CAST: variants seen among roughly 807,000 people sequenced by gnomAD.
CAST encodes calpastatin, also known as MIR583 host.
CAST carries 76 observed loss-of-function variants against 119.6 expected under a neutral mutation model. That is an observed-to-expected ratio of 0.64 (90% CI 0.53 to 0.77). The LOEUF is 0.77. CAST is among the 30% of genes least tolerant of loss of function. The pLI is 0.00. For missense variants in CAST, 953 were observed against 946.5 expected (o/e 1.01, Z -0.09); for synonymous variants, 319 against 331.6 (o/e 0.96, Z 0.41).
intron 30 of CAST, 111 bp from the exon 31 acceptor site, chr5:96,771,533 C>T: frequency 4.3e-6 from 3 of 704,670 alleles, no homozygotes; most frequent in South Asian, 4.0e-5. Context: ...AAAGGACCAT[C>T]TTATTTTTCC....
the CAST span, among the ~76,000 whole-genome samples, chr5:96,014,518 T>C: frequency 6.6e-6 from 1 of 152,198 alleles, no homozygotes; most frequent in Non-Finnish European, 1.5e-5. Flanking sequence ...TAGACTTTTA[T>C]ATGACTGGCA....
chr5:96,209,193 T>C, the CAST span, among the ~76,000 whole-genome samples: 1 of 152,062 alleles, frequency 6.6e-6, no homozygotes, highest in Admixed American at 6.6e-5. Context: ...TTCCATCCGT[T>C]TACTTTGAGC....
At chr5:96,144,762 G>T in the CAST span, among the ~76,000 whole-genome samples, 2 of 151,746 alleles carry the variant, frequency 1.3e-5, no homozygotes, top group Admixed American at 1.3e-4. Context: ...CTGGGTTCAA[G>T]TGAATCCAGG....
chr5:96,662,938 G>C, intron 1 of CAST: 1 of 589,882 alleles, frequency 1.7e-6, no homozygotes, highest in Non-Finnish European at 3.0e-6. Flanking sequence ...GAGCCAAATT[G>C]GGCGGGCGAG....
intron 2 of CAST, among the ~76,000 whole-genome samples, chr5:96,681,415 T>A (rs1183453115): frequency 1.3e-5 from 2 of 152,216 alleles, no homozygotes; most frequent in Admixed American, 1.3e-4. Context: ...AAGATTTTTT[T>A]CTTTTGTTCT....
chr5:96,518,151 G>T, the CAST span, among the ~76,000 whole-genome samples: 3 of 152,046 alleles, frequency 2.0e-5, no homozygotes, highest in African/African-American at 7.3e-5. Flanking sequence ...ATCTAAATTT[G>T]GGAGAAAAAA....
the CAST span, among the ~76,000 whole-genome samples, chr5:96,418,495 G>C: frequency 6.6e-6 from 1 of 152,174 alleles, no homozygotes. Flanking sequence ...TACCTGCACT[G>C]TTAAGATTTT....
chr5:96,209,731 G>T, the CAST span, among the ~76,000 whole-genome samples: 1 of 127,150 alleles, frequency 7.9e-6, no homozygotes, highest in African/African-American at 3.0e-5. Context: ...TCCCTTTGTA[G>T]GTGACCTTCC....
chr5:95,988,673 G>T, the CAST span, among the ~76,000 whole-genome samples: 1 of 152,094 alleles, frequency 6.6e-6, no homozygotes, highest in East Asian at 1.9e-4. Context: ...TGTTGGATGG[G>T]TTTCTTTACC....
chr5:96,524,695 A>T (rs1433133042), upstream of CAST, among the ~76,000 whole-genome samples: 3 of 152,222 alleles, frequency 2.0e-5, no homozygotes, highest in Non-Finnish European at 4.4e-5. Flanking sequence ...TTCTGGATCT[A>T]CCAGTCAGTT....
At chr5:96,563,227 A>G (rs1347868831) in intron 1 of CAST, among the ~76,000 whole-genome samples, 1 of 152,172 alleles carries the variant, frequency 6.6e-6, no homozygotes, top group Non-Finnish European at 1.5e-5. Flanking sequence ...AGGTTTAACT[A>G]TTTCTTTGGG....
the CAST span, among the ~76,000 whole-genome samples, chr5:96,480,828 A>G: frequency 6.6e-6 from 1 of 152,182 alleles, no homozygotes; most frequent in African/African-American, 2.4e-5. Context: ...GTTTCAGTGA[A>G]ATGGAACAGG....
chr5:96,559,651 C>A (rs988401622), intron 1 of CAST, among the ~76,000 whole-genome samples: 11 of 151,970 alleles, frequency 7.2e-5, no homozygotes, highest in Admixed American at 3.3e-4. Flanking sequence ...TTACAAGGGA[C>A]GTAAAGGACC....
the CAST span, among the ~76,000 whole-genome samples, chr5:96,250,071 C>A: frequency 3.3e-5 from 5 of 152,148 alleles, no homozygotes. Flanking sequence ...TTCTAGTATT[C>A]TCCATTCCCT....
chr5:95,963,456 C>T, the CAST span, among the ~76,000 whole-genome samples: 1 of 152,192 alleles, frequency 6.6e-6, no homozygotes, highest in African/African-American at 2.4e-5. Flanking sequence ...TAATTTCAAT[C>T]CACTAAGATT....
At chr5:96,355,804 C>T in the CAST span, among the ~76,000 whole-genome samples, 1 of 152,014 alleles carries the variant, frequency 6.6e-6, no homozygotes, top group African/African-American at 2.4e-5. Flanking sequence ...TGGGTTCAAG[C>T]GATTCTCCTG....
chr5:96,587,753 C>T (rs919641086), intron 1 of CAST, among the ~76,000 whole-genome samples: 1 of 152,170 alleles, frequency 6.6e-6, no homozygotes, highest in Admixed American at 6.5e-5. Flanking sequence ...GATTGAGAAA[C>T]ATTGAAGATC....
At chr5:96,719,120 G>A (rs1757741957) in intron 3 of CAST, among the ~76,000 whole-genome samples, 1 of 152,162 alleles carries the variant, frequency 6.6e-6, no homozygotes, top group Non-Finnish European at 1.5e-5. Context: ...TGGCGCAATG[G>A]ATGAGCCCGC....
chr5:96,733,833 C>T (rs1280531034), intron 9 of CAST, among the ~76,000 whole-genome samples: 1 of 152,088 alleles, frequency 6.6e-6, no homozygotes, highest in Admixed American at 6.5e-5. Context: ...GCCAAGATCG[C>T]ACCGTTGCAC....
Sources: gnomAD v4.1 joint callset for allele counts (sites outside exome capture counted in the v4.1 genomes callset) on GRCh38, gnomAD v4.1.1 for gene constraint, MANE v1.5 for transcripts, NCBI Gene and HGNC (gene_info 2026-07-23, HGNC 2026-07-21) for gene names.